The following SYT1 variants were observed in gnomAD, a reference collection of about 807,000 sequenced individuals.
SYT1 encodes the protein synaptotagmin 1.
A neutral mutation model predicts 44.8 loss-of-function variants in SYT1; 8 were observed. The ratio of observed to expected loss-of-function variants is 0.18; its 90% CI spans 0.10 to 0.32. The LOEUF (loss-of-function observed/expected upper bound fraction) is 0.32, where lower values mean the gene tolerates loss of function less well. SYT1 is among the 10% of genes least tolerant of loss of function. SYT1 has a pLI of 1.00. For synonymous variants in SYT1, 154 were observed against 188.8 expected (o/e 0.82, Z 1.51); for missense variants, 286 against 509.3 (o/e 0.56, Z 4.22).
At chr12:79,433,182 C>T (rs899030012) in intron 9 of SYT1, among the ~76,000 whole-genome samples, 11 of 152,224 alleles carry the variant, frequency 7.2e-5, no homozygotes, top group South Asian at 6.2e-4. Flanking sequence ...AAAGCAAGTG[C>T]GTTCAAGGAA....
At chr12:79,141,253 T>C (rs969945775) in intron 3 of SYT1, among the ~76,000 whole-genome samples, 5 of 152,170 alleles carry the variant, frequency 3.3e-5, no homozygotes, top group Non-Finnish European at 7.4e-5. Flanking sequence ...ATTAATATTG[T>C]CTGTTAATTT....
chr12:79,288,185 A>G (rs1372882406), intron 5 of SYT1, among the ~76,000 whole-genome samples: 1 of 152,134 alleles, frequency 6.6e-6, no homozygotes, highest in East Asian at 1.9e-4. Flanking sequence ...CTAAAAAAGC[A>G]AAATAGAATG....
At chr12:79,138,302 TAA>T (rs749398670) in intron 3 of SYT1, among the ~76,000 whole-genome samples, 4 of 152,210 alleles carry the variant, frequency 2.6e-5, no homozygotes, top group Non-Finnish European at 5.9e-5. Context: ...GTATGATTTT[TAA>T]AAGATACCTC....
At chr12:79,217,863 T>C (rs1874911251) in intron 4 of SYT1, among the ~76,000 whole-genome samples, 178 bp downstream of exon 4, 1 of 150,806 alleles carries the variant, frequency 6.6e-6, no homozygotes, top group Admixed American at 6.7e-5. Context: ...ATTCTTCTTG[T>C]CTTTAAATAT....
At chr12:79,392,146 C>T (rs1015916717) in intron 9 of SYT1, 4 of 152,094 alleles carry the variant, frequency 2.6e-5, no homozygotes, top group East Asian at 1.9e-4. Flanking sequence ...TAATGACCAC[C>T]ACATTTCAAT....
At chr12:78,943,340 G>C (rs578162926) in intron 1 of SYT1, among the ~76,000 whole-genome samples, 2 of 152,230 alleles carry the variant, frequency 1.3e-5, no homozygotes, top group East Asian at 1.9e-4. Context: ...CAGCTTCTGG[G>C]GAGGCCTCAG....
chr12:79,178,908 C>T (rs1872076583), intron 3 of SYT1, among the ~76,000 whole-genome samples: 1 of 134,526 alleles, frequency 7.4e-6, no homozygotes, highest in Non-Finnish European at 1.6e-5. Context: ...GCCACCACAC[C>T]CAGATATAGA....
chr12:79,122,506 T>G (rs1868290260), intron 3 of SYT1, among the ~76,000 whole-genome samples: 1 of 40,762 alleles, frequency 2.5e-5, no homozygotes, highest in African/African-American at 1.4e-4. Context: ...AGAGCGAGAC[T>G]CCGTCTCAAA....
chr12:79,083,595 GTATT>G (rs780279727), intron 3 of SYT1, among the ~76,000 whole-genome samples: 17 of 151,982 alleles, frequency 1.1e-4, no homozygotes, highest in Non-Finnish European at 2.1e-4. Flanking sequence ...GAGTATTAAA[GTATT>G]TAAAGTTGTA....
intron 10 of SYT1, among the ~76,000 whole-genome samples, chr12:79,446,015 A>ATATATATATATG (rs1870703577): frequency 8.8e-6 from 1 of 113,606 alleles, no homozygotes; most frequent in Non-Finnish European, 1.8e-5. Flanking sequence ...ATATATATAT[A>ATATATATATATG]TATATATATA....
chr12:79,356,722 AT>A (rs1215170791), intron 9 of SYT1, among the ~76,000 whole-genome samples: 1 of 152,212 alleles, frequency 6.6e-6, no homozygotes. Flanking sequence ...TGCACAAGTT[AT>A]TTATTTAACT....
intron 2 of SYT1, among the ~76,000 whole-genome samples, chr12:78,995,188 T>C (rs991249109): frequency 1.3e-5 from 2 of 152,224 alleles, no homozygotes; most frequent in Non-Finnish European, 2.9e-5. Flanking sequence ...TGAGAACCAC[T>C]AATTGAAGTT....
chr12:79,420,931 C>T (rs919774895), intron 9 of SYT1, among the ~76,000 whole-genome samples: 4 of 152,096 alleles, frequency 2.6e-5, no homozygotes, highest in African/African-American at 9.7e-5. Context: ...GAATTTCTCT[C>T]GTTTAATACC....
chr12:79,159,498 T>C (rs928212534), intron 3 of SYT1, among the ~76,000 whole-genome samples: 5 of 152,210 alleles, frequency 3.3e-5, no homozygotes, highest in African/African-American at 1.2e-4. Context: ...ATAGACCATG[T>C]TCATGTAACT....
chr12:79,281,780 T>C (rs978574661), intron 4 of SYT1, among the ~76,000 whole-genome samples: 3 of 152,206 alleles, frequency 2.0e-5, no homozygotes, highest in Non-Finnish European at 4.4e-5. Flanking sequence ...GTCTTCTTTG[T>C]ATCACTTGAG....
chr12:79,424,453 C>G (rs184804575), intron 9 of SYT1, among the ~76,000 whole-genome samples: 1 of 152,210 alleles, frequency 6.6e-6, no homozygotes, highest in African/African-American at 2.4e-5. Flanking sequence ...TTTAGGCATG[C>G]CAAGAGTAGA....
rs199782755 is a variant in SYT1 at position 79,052,709 on chromosome 12, C to T, written c.-18+5347C>T. On this transcript the variant is annotated intron_variant, in intron 3 of 10. Transcript: ENST00000261205. Reference sequence around the variant, plus strand: ...AAAGTGGGTGAAGGATATGAACAGACGCTTCTCAAAAGAAGACATTTATGC... The same window carrying T: ...AAAGTGGGTGAAGGATATGAACAGATGCTTCTCAAAAGAAGACATTTATGC... 3.7e-3 allele frequency among the ~76,000 whole-genome samples: 558 copies of T among 152,248 alleles called. 8 individuals are homozygous for T. The East Asian group carries it at 0.066, about 18-fold the overall frequency.
At chr12:79,377,099 T>TTTTTGTTTTGTTTTG (rs78056565) in intron 9 of SYT1, among the ~76,000 whole-genome samples, 1 of 121,516 alleles carries the variant, frequency 8.2e-6, no homozygotes, top group African/African-American at 4.8e-5. Context: ...TATGTAACAT[T>TTTTTGTTTTGTTTTG]TTTTGTTTTT....
intron 3 of SYT1, among the ~76,000 whole-genome samples, chr12:79,164,519 C>T (rs1024290309): frequency 2.6e-4 from 39 of 152,010 alleles, no homozygotes; most frequent in African/African-American, 9.2e-4. Flanking sequence ...AGACCTATGT[C>T]CCTTTACCTG....
Sources: allele counts gnomAD v4.1 joint callset (sites outside exome capture counted in the v4.1 genomes callset), GRCh38; gene constraint gnomAD v4.1.1; transcripts MANE v1.5; gene names NCBI Gene and HGNC (gene_info 2026-07-23, HGNC 2026-07-21).